Variants in MBOAT1 observed in about 807,000 individuals in gnomAD.
MBOAT1 encodes membrane bound glycerophospholipid O-acyltransferase 1, also known as membrane-bound glycerophospholipid O-acyltransferase 1.
In MBOAT1, 67 loss-of-function variants were observed where a neutral mutation model predicts 64.4. That is an observed-to-expected ratio of 1.04 (90% CI 0.85 to 1.27). The LOEUF (loss-of-function observed/expected upper bound fraction) is 1.27. Ranked by LOEUF, MBOAT1 falls within the 50% of genes most tolerant of loss-of-function variation. The pLI is 0.00. For missense variants in MBOAT1, 563 were observed against 604.6 expected (o/e 0.93, Z 0.72); for synonymous variants, 229 against 218.9 (o/e 1.05, Z -0.41).
intron 1 of MBOAT1, among the ~76,000 whole-genome samples, chr6:20,168,532 GGAGAGGAGAGGAGAGGGAA>G (rs1762080152): frequency 7.0e-6 from 1 of 143,232 alleles, no homozygotes. Flanking sequence ...GGAGAGAAGA[GGAGAGGAGAGGAGAGGGAA>G]ACAGAGAAAG....
chr6:20,179,013 G>A lies in MBOAT1; in HGVS notation c.100-26244C>T, dbSNP rs574224978. Among the ~76,000 whole-genome samples the A allele has an allele frequency of 1.6e-4, 25 of 151,908 alleles. 1 individual carries two copies. The highest frequency in any genetic ancestry group is 6.8e-3 in the Middle Eastern group (2 of 292). On this transcript the variant is annotated intron_variant, in intron 1 of 12. Coordinates refer to ENST00000324607, the MANE Select transcript of MBOAT1 (RefSeq NM_001080480.3). Reference sequence around the variant, plus strand: ...GTTACATAGGCAAACGTGTGCCATGGTGATTTGCTGCACAGACCATCCTAT... The same window carrying A: ...GTTACATAGGCAAACGTGTGCCATGATGATTTGCTGCACAGACCATCCTAT...
At chr6:20,194,401 G>A (rs1762895083) in intron 1 of MBOAT1, among the ~76,000 whole-genome samples, 1 of 152,192 alleles carries the variant, frequency 6.6e-6, no homozygotes, top group African/African-American at 2.4e-5. Flanking sequence ...TTCTTTGGCT[G>A]TGGCAGTTTC....
intron 8 of MBOAT1, 68 bp from the exon 9 acceptor site, chr6:20,118,608 A>G (rs1478184006): frequency 7.9e-7 from 1 of 1,269,294 alleles, no homozygotes; most frequent in Non-Finnish European, 1.1e-6. Context: ...AAAAGACACT[A>G]AATATCTGTC....
chr6:20,212,118 C>T lies in MBOAT1; in HGVS notation c.99+18G>A. 2 of 1,611,082 alleles carry T rather than the reference C, an allele frequency of 1.2e-6. No individual in the cohort carries two copies. The highest frequency in any genetic ancestry group is 1.1e-5 in the South Asian group (1 of 90,678). ...TCGCTGGGGAGCTGGGGTCGCTGCG[C>T]TCCCGGCCTGCAGTTACCTGGTCCA... is the stretch of plus-strand genomic sequence containing the variant. On this transcript the variant is annotated intron_variant, in intron 1 of 12. Transcript: ENST00000324607.
At chr6:20,172,914 T>A (rs1006678375) in intron 1 of MBOAT1, among the ~76,000 whole-genome samples, 1 of 151,926 alleles carries the variant, frequency 6.6e-6, no homozygotes, top group African/African-American at 2.4e-5. Context: ...TGGGGCCTGG[T>A]GGGAGGTGGC....
chr6:20,128,122 C>G (rs1760715210), intron 6 of MBOAT1, among the ~76,000 whole-genome samples: 1 of 152,016 alleles, frequency 6.6e-6, no homozygotes, highest in South Asian at 2.1e-4. Context: ...GATGTGCTAC[C>G]CCACATGCCA....
intron 12 of MBOAT1, among the ~76,000 whole-genome samples, chr6:20,106,054 T>A (rs938043868): frequency 3.9e-5 from 6 of 152,214 alleles, no homozygotes; most frequent in African/African-American, 1.4e-4. Context: ...TGTTAAGCAA[T>A]GAGGATCTAC....
intron 1 of MBOAT1, among the ~76,000 whole-genome samples, chr6:20,190,032 T>C: frequency 6.6e-6 from 1 of 152,152 alleles, no homozygotes; most frequent in Non-Finnish European, 1.5e-5. Context: ...TCTCACTCTG[T>C]CACCCAGGCT....
At chr6:20,211,704 T>C (rs1763425442) in intron 1 of MBOAT1, among the ~76,000 whole-genome samples, 1 of 151,678 alleles carries the variant, frequency 6.6e-6, no homozygotes, top group Non-Finnish European at 1.5e-5. Context: ...GGTCCTGCAT[T>C]CAAAATCTAT....
chr6:20,117,642 C>T (rs1222209517), intron 9 of MBOAT1, among the ~76,000 whole-genome samples: 1 of 152,192 alleles, frequency 6.6e-6, no homozygotes. Flanking sequence ...GCTTCTTGCT[C>T]TACACATACA....
chr6:20,159,368 T>C (rs1455197428), intron 1 of MBOAT1, among the ~76,000 whole-genome samples: 1 of 152,128 alleles, frequency 6.6e-6, no homozygotes, highest in East Asian at 1.9e-4. Flanking sequence ...AGCCAAGATA[T>C]GGAAGCAACC....
intron 11 of MBOAT1, 152 bp from the exon 12 acceptor site, chr6:20,109,901 A>ATTT (rs756853889): frequency 0.01 from 3,106 of 299,040 alleles, 102 homozygotes; most frequent in South Asian, 0.017. Flanking sequence ...TACCATCAGG[A>ATTT]CTTTTTTTTT....
intron 1 of MBOAT1, among the ~76,000 whole-genome samples, chr6:20,186,142 C>CACTGTACTCCAGCATGGGTCACAGTGAG (rs1762646411): frequency 6.6e-6 from 1 of 152,168 alleles, no homozygotes. Context: ...ATGATAGTGC[C>CACTGTACTCCAGCATGGGTCACAGTGAG]ACTGTACTCC....
intron 12 of MBOAT1, among the ~76,000 whole-genome samples, chr6:20,102,876 T>A (rs1759842521): frequency 6.6e-6 from 1 of 152,204 alleles, no homozygotes; most frequent in Non-Finnish European, 1.5e-5. Flanking sequence ...CCTAGTGACG[T>A]CGTAGCCATC....
intron 3 of MBOAT1, among the ~76,000 whole-genome samples, chr6:20,148,345 A>T (rs2113687460): frequency 6.6e-6 from 1 of 152,252 alleles, no homozygotes; most frequent in South Asian, 2.1e-4. Context: ...TGAACTGGGG[A>T]GGAAGAGGTT....
chr6:20,110,603 T>A (rs1284596571), intron 11 of MBOAT1, among the ~76,000 whole-genome samples: 3 of 151,724 alleles, frequency 2.0e-5, no homozygotes, highest in Admixed American at 6.6e-5. Context: ...AAAAAAAAAA[T>A]TTCTTTCTTT....
intron 1 of MBOAT1, among the ~76,000 whole-genome samples, chr6:20,193,554 CA>C (rs1391627335): frequency 5.3e-5 from 8 of 150,194 alleles, no homozygotes; most frequent in African/African-American, 2.0e-4. Context: ...GAAAACCATT[CA>C]TGAAAATTAC....
chr6:20,128,183 C>T (rs1306240173), intron 6 of MBOAT1, among the ~76,000 whole-genome samples: 2 of 152,054 alleles, frequency 1.3e-5, no homozygotes, highest in African/African-American at 4.8e-5. Context: ...CTCCAACACT[C>T]CCCCTTCCTA....
chr6:20,209,108 T>C (rs1346171211), intron 1 of MBOAT1, among the ~76,000 whole-genome samples: 1 of 152,176 alleles, frequency 6.6e-6, no homozygotes, highest in East Asian at 1.9e-4. Context: ...AGGTTTTTAT[T>C]GGCATAATCC....
Sources: allele counts gnomAD v4.1 joint callset (sites outside exome capture counted in the v4.1 genomes callset), GRCh38; gene constraint gnomAD v4.1.1; transcripts MANE v1.5; gene names NCBI Gene and HGNC (gene_info 2026-07-23, HGNC 2026-07-21).